The following IL17RA variants were observed in gnomAD, a reference collection of about 807,000 sequenced individuals.
IL17RA encodes the protein interleukin-17 receptor A.
IL17RA carries 34 observed loss-of-function variants against 50.4 expected under a neutral mutation model. That is an observed-to-expected ratio of 0.67 (90% CI 0.51 to 0.90). IL17RA has a LOEUF of 0.90. Ranked by LOEUF, IL17RA falls within the 40% of genes least tolerant of loss-of-function variation. The pLI, the probability that IL17RA is intolerant of heterozygous loss-of-function variation, is 0.00. For missense variants in IL17RA, 1,276 were observed against 1,169.8 expected (o/e 1.09, Z -1.32); for synonymous variants, 585 against 510.4 (o/e 1.15, Z -1.97).
At chr22:17,105,757 A>ACTCT (rs2061412156) in intron 10 of IL17RA, 96 bp from the exon 11 acceptor site, 1 of 1,399,636 alleles carries the variant, frequency 7.1e-7, no homozygotes, top group Non-Finnish European at 1.0e-6. Context: ...GTGGGGCCAG[A>ACTCT]GAGGACAGAG....
Position 17,108,687 on chromosome 22 carries a change from T to C in IL17RA, c.1468T>C (p.Phe490Leu). 1 of 1,609,106 alleles carries C rather than the reference T, an allele frequency of 6.2e-7. No homozygotes were observed. Among genetic ancestry groups the C allele is most frequent in the Non-Finnish European group, 8.5e-7 (1 of 1,179,858 alleles). The change falls in exon 13 of 13, where the codon TTC (phenylalanine) becomes CTC (leucine). Residue 490 changes from phenylalanine (F) to leucine (L), a missense_variant. Transcript: ENST00000319363. Reference sequence around the variant, plus strand: ...AGCCATGAACATGATCCTCCCGGACTTCAAGAGGCCAGCCTGCTTCGGCAC... The same window carrying C: ...AGCCATGAACATGATCCTCCCGGACCTCAAGAGGCCAGCCTGCTTCGGCAC... ...TAAMNMILPD[F>L]KRPACFGTYV... is the part of the protein sequence containing the mutation.
At chr22:17,093,975 C>CTTTTATTTTATTTTAT (rs969914337) in intron 1 of IL17RA, 2 of 147,538 alleles carry the variant, frequency 1.4e-5, no homozygotes, top group Non-Finnish European at 3.0e-5. Flanking sequence ...TTTTATCTTA[C>CTTTTATTTTATTTTAT]TTTATTTTAT....
In IL17RA at chr22:17,085,168, T is replaced by C. The variant is rs1272018700; in HGVS notation, c.77T>C (p.Leu26Pro). 1.8e-5 allele frequency: 28 copies of C among 1,523,346 alleles called. No individual in the cohort carries two copies. The highest frequency in any genetic ancestry group is 2.5e-5 in the Non-Finnish European group (28 of 1,141,094). The allele number at this position is 1,523,346 out of a possible 1,614,324, so 94.4% of individuals were successfully genotyped here. ...CTGCTCCTGCTGCTCCTGGGCGTGC[T>C]GGCCCCGGGTGGCGCCTCCCTGCGA... ...LGLLLLLLGVLAPGGASLRLL... is the reference protein window; with the variant it reads ...LGLLLLLLGVPAPGGASLRLL... The change falls in exon 1 of 13, where the codon CTG becomes CCG. Residue 26 changes from leucine to proline, a missense_variant. Coordinates refer to ENST00000319363, the MANE Select transcript of IL17RA (RefSeq NM_014339.7).
rs999219961 is a variant in IL17RA at position 17,109,318 on chromosome 22, G to A, written c.2099G>A (p.Gly700Asp). ...AAVRLALAGE[G>D]EACPLLGSPG... ...GTCCGGCTGGCACTGGCGGGGGAGG[G>A]CGAGGCCTGCCCGCTGCTGGGCAGC... The change falls in exon 13 of 13, where the codon GGC becomes GAC. Residue 700 changes from glycine to aspartate, a missense_variant. Gly to Asp is a moderately conservative substitution (Grantham distance 94). Transcript: ENST00000319363. The A allele has an allele frequency of 1.1e-5, 17 of 1,536,570 alleles. No homozygotes were observed. In the African/African-American group the frequency reaches 1.9e-4, roughly 17 times the overall value.
At chr22:17,103,629 T>C (rs1222332359) in intron 8 of IL17RA, 52 bp downstream of exon 8, 9 of 1,388,848 alleles carry the variant, frequency 6.5e-6, no homozygotes, top group Non-Finnish European at 8.0e-6. Context: ...GTGGCAATTA[T>C]AGAGTGGACA....
chr22:17,106,295 C>T (rs952216538), intron 11 of IL17RA, among the ~76,000 whole-genome samples: 1 of 152,184 alleles, frequency 6.6e-6, no homozygotes, highest in Non-Finnish European at 1.5e-5. Flanking sequence ...ATCCTGCAGC[C>T]GCCAGACGTG....
At chr22:17,100,133 T>A in intron 4 of IL17RA, among the ~76,000 whole-genome samples, 8 of 90,856 alleles carry the variant, frequency 8.8e-5, no homozygotes, top group Admixed American at 1.2e-4. Context: ...TGAGGCCAGA[T>A]CCAGGTTTAA....
rs1251829487 is a variant in IL17RA, at chr22:17,115,206, T to C, written c.*5386T>C. On this transcript the variant is annotated 3_prime_UTR_variant, in exon 13 of 13. Coordinates refer to ENST00000319363, the MANE Select transcript of IL17RA (RefSeq NM_014339.7). Reference sequence around the variant, plus strand: ...ATGCTTGCTCAAATCAATCACCTTATTTTACATCCGCTCCAGGGAGAAATG... The same window carrying C: ...ATGCTTGCTCAAATCAATCACCTTACTTTACATCCGCTCCAGGGAGAAATG... The C allele has an allele frequency of 6.6e-6, 1 of 152,268 alleles. No homozygotes were observed. Among genetic ancestry groups the C allele is most frequent in the East Asian group, 1.9e-4 (1 of 5,206 alleles). The allele number at this position is 152,268 out of a possible 1,614,324, so 9.4% of individuals were successfully genotyped here. A position where few individuals can be genotyped will look rare whatever the true frequency, so the allele number is the denominator to read the frequency against.
At chr22:17,102,571 CTTTG>C (rs764097441) in intron 7 of IL17RA, among the ~76,000 whole-genome samples, 58 of 151,448 alleles carry the variant, frequency 3.8e-4, no homozygotes, top group Non-Finnish European at 1.8e-4. Context: ...TTTTGTTTTG[CTTTG>C]TTTATTACAA....
At chr22:17,100,315 T>C (rs1229248617) in intron 4 of IL17RA, 40 bp from the exon 5 acceptor site, 2 of 1,612,314 alleles carry the variant, frequency 1.2e-6, no homozygotes, top group East Asian at 2.2e-5. Context: ...GACAGAGGTG[T>C]GTGTAATCCA....
At chr22:17,085,447 G>T (rs1262351466) in intron 1 of IL17RA, among the ~76,000 whole-genome samples, 1 of 152,112 alleles carries the variant, frequency 6.6e-6, no homozygotes, top group Non-Finnish European at 1.5e-5. Context: ...GGGGGGGGTG[G>T]GTGGCACATC....
chr22:17,109,825 G>A lies in IL17RA; in HGVS notation c.*5G>A, dbSNP rs1480919333. Reference sequence around the variant, plus strand: ...TCAGAGGGGCCCAGTGCATGAGGGCGGCTCCCCAGGGACCGCCCAGATCCC... The same window carrying A: ...TCAGAGGGGCCCAGTGCATGAGGGCAGCTCCCCAGGGACCGCCCAGATCCC... On this transcript the variant is annotated 3_prime_UTR_variant, in exon 13 of 13. Coordinates refer to ENST00000319363, the MANE Select transcript of IL17RA (RefSeq NM_014339.7). The A allele has an allele frequency of 1.3e-6, 2 of 1,548,608 alleles. No individual in the cohort carries two copies. Among genetic ancestry groups the A allele is most frequent in the East Asian group, 2.4e-5 (1 of 40,922 alleles).
intron 1 of IL17RA, among the ~76,000 whole-genome samples, chr22:17,088,051 C>T (rs1289342703): frequency 6.6e-6 from 1 of 152,212 alleles, no homozygotes; most frequent in Non-Finnish European, 1.5e-5. Context: ...AGTATTCCTT[C>T]ATCCCATACT....
At position 17,111,750 on chromosome 22, in the gene IL17RA, G is replaced by A. The variant is rs571638144; in HGVS notation, c.*1930G>A. 7.2e-5 allele frequency: 11 copies of A among 152,186 alleles called. No individual in the cohort carries two copies. Among genetic ancestry groups the A allele is most frequent in the Admixed American group, 3.9e-4 (6 of 15,292 alleles). The allele number at this position is 152,186 out of a possible 1,614,324, so 9.4% of individuals were successfully genotyped here. Reference sequence around the variant, plus strand: ...CATGTGTGTGTGCGCACACATACATGTGCGTGAAAGATTATCAATAAAAGT... The same window carrying A: ...CATGTGTGTGTGCGCACACATACATATGCGTGAAAGATTATCAATAAAAGT... On this transcript the variant is annotated 3_prime_UTR_variant, in exon 13 of 13. Transcript: ENST00000319363.
chr22:17,108,865 G>T lies in IL17RA; in HGVS notation c.1646G>T (p.Arg549Leu), dbSNP rs747687323. 6.2e-6 allele frequency: 10 copies of T among 1,609,468 alleles called. No individual in the cohort carries two copies. Among genetic ancestry groups the T allele is most frequent in the Non-Finnish European group, 7.6e-6 (9 of 1,178,180 alleles). ...ATGTTCCAGCCGGGCCGCATGCACC[G>T]CGTAGGGGAGCTGTCGGGGGACAAC... ...LEMFQPGRMH[R>L]VGELSGDNYL... Residue 549 changes from arginine to leucine, a missense_variant, in exon 13 of 13, where the codon CGC becomes CTC. Arg to Leu is a moderately radical substitution (Grantham distance 102). Coordinates refer to ENST00000319363, the MANE Select transcript of IL17RA (RefSeq NM_014339.7).
chr22:17,106,479 C>T (rs2061415287), intron 11 of IL17RA, among the ~76,000 whole-genome samples: 1 of 152,206 alleles, frequency 6.6e-6, no homozygotes, highest in African/African-American at 2.4e-5. Flanking sequence ...GATAATGCCT[C>T]CCTCTAAGGG....
At chr22:17,104,228 G>A (rs1317025194) in intron 8 of IL17RA, among the ~76,000 whole-genome samples, 33 of 58,400 alleles carry the variant, frequency 5.7e-4, no homozygotes, top group African/African-American at 2.2e-3. Flanking sequence ...GTGCACAGGT[G>A]GAGAGTGTGG....
intron 1 of IL17RA, among the ~76,000 whole-genome samples, chr22:17,094,691 C>CTCTATATATATATATA (rs1448096911): frequency 8.1e-5 from 2 of 24,700 alleles, no homozygotes; most frequent in African/African-American, 4.5e-4. Flanking sequence ...CTCTCTCTCT[C>CTCTATATATATATATA]TATATATATA....
At chr22:17,090,364 T>G (rs754908834) in intron 1 of IL17RA, among the ~76,000 whole-genome samples, 25 of 152,234 alleles carry the variant, frequency 1.6e-4, no homozygotes, top group Non-Finnish European at 2.5e-4. Flanking sequence ...ACTAAACAAA[T>G]TAATGTTTTC....
Sources: allele counts gnomAD v4.1 joint callset (sites outside exome capture counted in the v4.1 genomes callset), GRCh38; gene constraint gnomAD v4.1.1; transcripts MANE v1.5; gene names NCBI Gene and HGNC (gene_info 2026-07-23, HGNC 2026-07-21).